Variants in NAALADL2 observed in about 807,000 individuals in gnomAD.
The protein encoded by NAALADL2 is inactive N-acetylated-alpha-linked acidic dipeptidase-like protein 2.
NAALADL2 carries 76 observed loss-of-function variants against 87.2 expected under a neutral mutation model. That is an observed-to-expected ratio of 0.87 (90% confidence interval 0.72 to 1.05). NAALADL2 has a LOEUF of 1.05. Among genes scored for constraint, NAALADL2 ranks in the 50% least tolerant of loss-of-function variants. NAALADL2 has a pLI of 0.00. For missense variants in NAALADL2, 1,089 were observed against 945.8 expected (o/e 1.15, Z -1.99); for synonymous variants, 354 against 331.0 (o/e 1.07, Z -0.75).
intron 3 of NAALADL2, among the ~76,000 whole-genome samples, chr3:174,745,413 T>G (rs903970978): frequency 1.3e-5 from 2 of 152,106 alleles, no homozygotes; most frequent in Non-Finnish European, 2.9e-5. Flanking sequence ...AATCCCTGAA[T>G]AGACCAATAA....
chr3:174,505,390 TTGCAGA>T (rs1262371559), intron 1 of NAALADL2, among the ~76,000 whole-genome samples: 8 of 152,314 alleles, frequency 5.3e-5, no homozygotes, highest in African/African-American at 1.9e-4. Flanking sequence ...TTTTAGTAAT[TTGCAGA>T]TGAGACCATT....
intron 5 of NAALADL2, among the ~76,000 whole-genome samples, chr3:175,442,565 G>A (rs957203036): frequency 1.6e-4 from 25 of 152,068 alleles, no homozygotes; most frequent in South Asian, 6.2e-4. Flanking sequence ...CAATAGTATC[G>A]TAGTGAAATT....
chr3:174,689,883 C>T (rs957721343), intron 2 of NAALADL2, among the ~76,000 whole-genome samples: 23 of 152,178 alleles, frequency 1.5e-4, no homozygotes, highest in African/African-American at 5.5e-4. Context: ...ATTGATGCTA[C>T]TCACATCAAC....
intron 10 of NAALADL2, among the ~76,000 whole-genome samples, chr3:175,592,441 G>T (rs943002902): frequency 6.6e-6 from 1 of 150,802 alleles, no homozygotes; most frequent in Non-Finnish European, 1.5e-5. Context: ...TTCACATCTA[G>T]ATTTTTGGTT....
intron 2 of NAALADL2, among the ~76,000 whole-genome samples, chr3:175,187,360 T>G (rs1737496384): frequency 6.6e-6 from 1 of 152,246 alleles, no homozygotes; most frequent in Admixed American, 6.5e-5. Flanking sequence ...GGGTGTTTAT[T>G]TCCTATCGTT....
At chr3:175,286,642 G>C in intron 4 of NAALADL2, among the ~76,000 whole-genome samples, 1 of 152,008 alleles carries the variant, frequency 6.6e-6, no homozygotes, top group South Asian at 2.1e-4. Context: ...GATTGTTTCT[G>C]TAATAAGGCC....
chr3:174,466,899 T>C (rs1716566317), intron 1 of NAALADL2, among the ~76,000 whole-genome samples: 1 of 152,224 alleles, frequency 6.6e-6, no homozygotes, highest in Non-Finnish European at 1.5e-5. Flanking sequence ...ATTTTTCCTT[T>C]TAACAGCACT....
chr3:174,718,598 T>C (rs141777906), intron 2 of NAALADL2, among the ~76,000 whole-genome samples: 69 of 152,312 alleles, frequency 4.5e-4, no homozygotes, highest in Admixed American at 4.4e-3. Flanking sequence ...CCTAGGAGAC[T>C]GACATTGTTC....
chr3:175,349,792 G>A (rs1469680845), intron 5 of NAALADL2, among the ~76,000 whole-genome samples: 1 of 152,066 alleles, frequency 6.6e-6, no homozygotes, highest in Non-Finnish European at 1.5e-5. Context: ...ACTATGTCAA[G>A]AACCTGATGA....
At chr3:175,607,293 T>G (rs530477176) in intron 10 of NAALADL2, among the ~76,000 whole-genome samples, 1 of 152,332 alleles carries the variant, frequency 6.6e-6, no homozygotes, top group South Asian at 2.1e-4. Flanking sequence ...TTGTTACATT[T>G]TATTGTATTT....
At chr3:174,647,009 T>A (rs1312579803) in intron 2 of NAALADL2, among the ~76,000 whole-genome samples, 1 of 152,118 alleles carries the variant, frequency 6.6e-6, no homozygotes, top group East Asian at 1.9e-4. Context: ...TTCCTACTAA[T>A]TAGTCTAAGG....
chr3:174,616,675 T>A (rs1273335950), intron 2 of NAALADL2, among the ~76,000 whole-genome samples: 1 of 151,876 alleles, frequency 6.6e-6, no homozygotes, highest in Non-Finnish European at 1.5e-5. Context: ...GTATGTCTAT[T>A]TGGGAACAGC....
At chr3:174,526,807 A>T (rs996147344) in intron 1 of NAALADL2, among the ~76,000 whole-genome samples, 2 of 151,566 alleles carry the variant, frequency 1.3e-5, no homozygotes, top group Admixed American at 6.6e-5. Flanking sequence ...CTCCCGAGTA[A>T]CTGGGATTAC....
At chr3:174,606,579 GATGAAATGA>G (rs1392824597) in intron 2 of NAALADL2, among the ~76,000 whole-genome samples, 2 of 152,136 alleles carry the variant, frequency 1.3e-5, no homozygotes, top group Non-Finnish European at 2.9e-5. Context: ...AGCAATGGAA[GATGAAATGA>G]ATGAAATGAA....
chr3:174,540,504 A>G (rs1349916565), intron 1 of NAALADL2, among the ~76,000 whole-genome samples: 1 of 152,224 alleles, frequency 6.6e-6, no homozygotes, highest in Non-Finnish European at 1.5e-5. Context: ...TTGTTAAAAA[A>G]CTTTCAAAGC....
chr3:175,198,373 C>T (rs1739323240), intron 2 of NAALADL2, among the ~76,000 whole-genome samples: 1 of 151,904 alleles, frequency 6.6e-6, no homozygotes, highest in African/African-American at 2.4e-5. Context: ...TACCTCTAAC[C>T]TTTACCTGGA....
chr3:175,386,487 T>C (rs1768390636), intron 5 of NAALADL2, among the ~76,000 whole-genome samples: 1 of 151,704 alleles, frequency 6.6e-6, no homozygotes, highest in African/African-American at 2.4e-5. Flanking sequence ...TCAAGAGGCA[T>C]GTATCATCTT....
At chr3:174,710,230 C>CTTTTTTTTTTTT (rs57899491) in intron 2 of NAALADL2, among the ~76,000 whole-genome samples, 4 of 136,344 alleles carry the variant, frequency 2.9e-5, no homozygotes, top group East Asian at 2.2e-4. Context: ...TATGAGCCTC[C>CTTTTTTTTTTTT]TTTTTTTTTT....
At chr3:174,957,501 C>T (rs1297431465) in intron 1 of NAALADL2, among the ~76,000 whole-genome samples, 1 of 151,920 alleles carries the variant, frequency 6.6e-6, no homozygotes, top group East Asian at 1.9e-4. Flanking sequence ...GCTGGTTATA[C>T]AATTCCAAAG....
Sources: gnomAD v4.1 joint callset for allele counts (sites outside exome capture counted in the v4.1 genomes callset) on GRCh38, gnomAD v4.1.1 for gene constraint, MANE v1.5 for transcripts, NCBI Gene and HGNC (gene_info 2026-07-23, HGNC 2026-07-21) for gene names.